SCRIB: variants seen among roughly 807,000 people sequenced by gnomAD.
SCRIB encodes the protein scribble planar cell polarity protein, also known as protein scribble homolog.
Under a neutral mutation model 170.0 loss-of-function variants are expected in SCRIB, and 72 were observed. The ratio of observed to expected loss-of-function variants is 0.42; its 90% CI spans 0.35 to 0.52. The LOEUF (loss-of-function observed/expected upper bound fraction) is 0.52. Among genes scored for constraint, SCRIB ranks in the 20% least tolerant of loss-of-function variants. The pLI is 0.02. For synonymous variants in SCRIB, 1,298 were observed against 1,044.3 expected (o/e 1.24, Z -4.68); for missense variants, 2,475 against 2,338.5 (o/e 1.06, Z -1.20).
In SCRIB at chr8:143,814,127, A is replaced by G; in HGVS notation, c.160-9T>C. The G allele has an allele frequency of 2.6e-6, 4 of 1,550,932 alleles. No homozygotes were observed. The highest frequency in any genetic ancestry group is 3.5e-6 in the Non-Finnish European group (4 of 1,146,482). On this transcript the variant is annotated splice_polypyrimidine_tract_variant and intron_variant, in intron 1 of 36. Transcript: ENST00000356994. Reference sequence around the variant, plus strand: ...AGCAGCCGGAAAAAAGGCTGTGGGCAGGGAGGACACGGACTCTGTGGCAGA... The same window carrying G: ...AGCAGCCGGAAAAAAGGCTGTGGGCGGGGAGGACACGGACTCTGTGGCAGA...
intron 1 of SCRIB, among the ~76,000 whole-genome samples, chr8:143,814,667 G>C (rs990838909): frequency 6.6e-6 from 1 of 152,166 alleles, no homozygotes; most frequent in South Asian, 2.1e-4. Flanking sequence ...TGATCACCCA[G>C]CACCCCATCT....
chr8:143,809,866 CCT>C (rs1466029295), intron 13 of SCRIB, 148 bp from the exon 14 acceptor site: 1 of 876,826 alleles, frequency 1.1e-6, no homozygotes, highest in East Asian at 2.7e-5. Flanking sequence ...GCAGCTGCTC[CCT>C]GTCCCAGCCT....
intron 16 of SCRIB, 32 bp downstream of exon 16, chr8:143,807,516 GCGGC>G: frequency 6.4e-7 from 1 of 1,565,992 alleles, no homozygotes; most frequent in Non-Finnish European, 8.8e-7. Flanking sequence ...AAGGCCAGCA[GCGGC>G]CCGGCCAGAG....
At chr8:143,795,657 C>A in intron 24 of SCRIB, 127 bp from the exon 25 acceptor site, 1 of 810,934 alleles carries the variant, frequency 1.2e-6, no homozygotes, top group Non-Finnish European at 2.0e-6. Context: ...CTGGGCAGGG[C>A]TGACCGCGTG....
chr8:143,794,307 G>A (rs1253635403), intron 27 of SCRIB: 8 of 322,440 alleles, frequency 2.5e-5, no homozygotes, highest in African/African-American at 1.7e-4. Context: ...CCCTACTTGT[G>A]GTGTGCAGCC....
chr8:143,794,514 A>C (rs1814855440), intron 27 of SCRIB, among the ~76,000 whole-genome samples: 1 of 152,088 alleles, frequency 6.6e-6, no homozygotes, highest in African/African-American at 2.4e-5. Flanking sequence ...CCGCTTGGGC[A>C]AGGGCCTGCA....
rs947922396 is a variant in SCRIB at position 143,809,631 on chromosome 8, A to G, written c.1618T>C (p.Ser540Pro). ...TGGCTCCCACCCTGTGCCTCAGCCG[A>G]CGGGCCCTCGGGCTCAGCCTCAGAG... ...TVSEAEPEGP[S>P]AEAQGGSQQE... The change falls in exon 14 of 37, where the codon TCG (serine) becomes CCG (proline). Residue 540 changes from serine to proline, a missense_variant. Transcript: ENST00000356994. 2 of 1,611,146 alleles carry G rather than the reference A, an allele frequency of 1.2e-6. No homozygotes were observed. Among genetic ancestry groups the G allele is most frequent in the Non-Finnish European group, 1.7e-6 (2 of 1,179,920 alleles).
chr8:143,803,561 G>A lies in SCRIB; in HGVS notation c.3425C>T (p.Thr1142Met), dbSNP rs781930751. The A allele has an allele frequency of 7.3e-5, 117 of 1,602,392 alleles. No homozygotes were observed. Among genetic ancestry groups the A allele is most frequent in the Middle Eastern group, 1.7e-4 (1 of 5,834 alleles). The change falls in exon 24 of 37, where the codon ACG becomes ATG. Residue 1142 changes from threonine (T) to methionine (M), a missense_variant. Thr to Met is a moderately conservative substitution (Grantham distance 81, BLOSUM62 -1). Coordinates refer to ENST00000356994, the MANE Select transcript of SCRIB (RefSeq NM_182706.5). ...EGIFISKVSP[T>M]GAAGRDGRLR... is the part of the protein sequence containing the mutation. Reference sequence around the variant, plus strand: ...CCGACCGTCGCGCCCGGCTGCCCCCGTGGGGCTCACCTGTGGGGAGACGTG... The same window carrying A: ...CCGACCGTCGCGCCCGGCTGCCCCCATGGGGCTCACCTGTGGGGAGACGTG...
intron 24 of SCRIB, among the ~76,000 whole-genome samples, chr8:143,799,883 G>C (rs1815103090): frequency 6.6e-6 from 1 of 152,064 alleles, no homozygotes; most frequent in Non-Finnish European, 1.5e-5. Context: ...GGCAGCTCCT[G>C]AGCCAATGCC....
Position 143,791,043 on chromosome 8 carries a change from G to A in SCRIB, c.*120C>T, listed in dbSNP as rs1820055620. ...GGGGTGGGGCAGTTAGTTAGTCACA[G>A]GCCAGAACTCCTGTGGGGTCTCTTT... is the stretch of plus-strand genomic sequence containing the variant. On this transcript the variant is annotated 3_prime_UTR_variant, in exon 37 of 37. Coordinates refer to ENST00000356994, the MANE Select transcript of SCRIB (RefSeq NM_182706.5). 9 of 1,123,770 alleles carry A rather than the reference G, an allele frequency of 8.0e-6. No homozygotes were observed. The highest frequency in any genetic ancestry group is 9.2e-6 in the Non-Finnish European group (8 of 871,542). The allele number at this position is 1,123,770 out of a possible 1,614,324, so 69.6% of individuals were successfully genotyped here.
At chr8:143,793,308 C>G (rs1377194745) in intron 28 of SCRIB, 1 of 439,274 alleles carries the variant, frequency 2.3e-6, no homozygotes, top group Admixed American at 4.1e-5. Context: ...TTGGCCAGGC[C>G]TGAGCCAATG....
Position 143,803,462 on chromosome 8 carries a change from T to C in SCRIB, c.3524A>G (p.Gln1175Arg). ...LLGLTHGEAVQLLRSVGDTLT... is the reference protein window; with the variant it reads ...LLGLTHGEAVRLLRSVGDTLT... ...GGTGTCGCCCACACTGCGGAGCAGCTGCACCGCCTCGCCGTGCGTCAGGCC... is the reference window on the plus strand; with the variant it reads ...GGTGTCGCCCACACTGCGGAGCAGCCGCACCGCCTCGCCGTGCGTCAGGCC... The change falls in exon 24 of 37, where the codon CAG becomes CGG. Residue 1175 changes from glutamine (Q) to arginine (R), a missense_variant. By Grantham distance (43) the Gln-to-Arg change is conservative (BLOSUM62 1). Around this residue, in one of 3 missense-constraint regions of SCRIB, gnomAD observed 1,966 missense variants for 1,742.9 expected, o/e 1.13. Transcript: ENST00000356994. 1 of 1,598,658 alleles carries C rather than the reference T, an allele frequency of 6.3e-7. No homozygotes were observed. Among genetic ancestry groups the C allele is most frequent in the Non-Finnish European group, 8.5e-7 (1 of 1,178,622 alleles).
rs1337358432 is a variant in SCRIB at position 143,813,513 on chromosome 8, C to A, written c.460G>T (p.Val154Leu). Residue 154 changes from valine to leucine, a missense_variant, in exon 5 of 37, where the codon GTG becomes TTG. This residue lies in a region of SCRIB where 487 missense variants were observed against 558.1 expected (regional missense o/e 0.87). Transcript: ENST00000356994. The stretch of plus-strand genomic sequence containing the variant: ...AGGTTCTCCCGGAGCTCCAGGGTCA[C>A]CAGGTTGGCGAGGCTGAAAGAGAGA... Reference protein sequence around the residue: ...PGDVGNLANLVTLELRENLLK... With the variant: ...PGDVGNLANLLTLELRENLLK... 3 of 1,613,224 alleles carry A rather than the reference C, an allele frequency of 1.9e-6. No individual in the cohort carries two copies. In the South Asian group the frequency reaches 3.3e-5, roughly 18 times the overall value.
intron 16 of SCRIB, 152 bp downstream of exon 16, chr8:143,807,400 A>C (rs554841977): frequency 1.9e-4 from 145 of 744,810 alleles, no homozygotes; most frequent in Non-Finnish European, 3.3e-4. Context: ...CCCAGGCAGG[A>C]GGTGTCCTGA....
Position 143,806,984 on chromosome 8 carries a change from C to T in SCRIB, c.2208G>A (p.Gly736=), listed in dbSNP as rs1554636754. 3.1e-6 allele frequency: 5 copies of T among 1,613,322 alleles called. No homozygotes were observed. The South Asian group carries it at 4.4e-5, about 14-fold the overall frequency. Residue 736 remains glycine (G), a synonymous_variant, in exon 17 of 37, where the codon GGG becomes GGA. Coordinates refer to ENST00000356994, the MANE Select transcript of SCRIB (RefSeq NM_182706.5). Reference sequence around the variant, plus strand: ...CGCCCGCAATGCTGATGCCCAGGCCCCCAGTCTGCCGCAGGATAGTGAGGG... The same window carrying T: ...CGCCCGCAATGCTGATGCCCAGGCCTCCAGTCTGCCGCAGGATAGTGAGGG... ...ELTLTILRQT[G]GLGISIAGGK...
intron 14 of SCRIB, among the ~76,000 whole-genome samples, 178 bp downstream of exon 14, chr8:143,809,373 C>T (rs1048791942): frequency 5.9e-5 from 9 of 152,098 alleles, no homozygotes; most frequent in Non-Finnish European, 1.3e-4. Context: ...CTCTCCAGGG[C>T]ACCCCCAGCA....
Position 143,792,270 on chromosome 8 carries a change from G to C in SCRIB, c.4464C>G (p.Ala1488=). 1 of 1,571,322 alleles carries C rather than the reference G, an allele frequency of 6.4e-7. No homozygotes were observed. The highest frequency in any genetic ancestry group is 8.6e-7 in the Non-Finnish European group (1 of 1,165,946). Residue 1488 remains alanine, a synonymous_variant, in exon 32 of 37, where the codon GCC becomes GCG. Transcript: ENST00000356994. ...TCTCGGCCTCCAGGGCCCGGAGCTC[G>C]GCAGGGGACAGGGCACGCTCGGGTG... The part of the protein sequence containing the change: ...PPAPERALSP[A]ELRALEAEKR...
intron 24 of SCRIB, among the ~76,000 whole-genome samples, chr8:143,795,880 G>A (rs994150856): frequency 2.0e-5 from 3 of 152,178 alleles, no homozygotes; most frequent in African/African-American, 4.8e-5. Context: ...GGGAAGGAGG[G>A]GCGTGAGTAG....
chr8:143,812,037 C>T (rs529886424), intron 9 of SCRIB, among the ~76,000 whole-genome samples: 5 of 152,192 alleles, frequency 3.3e-5, no homozygotes, highest in East Asian at 1.9e-4. Flanking sequence ...GCGATAAACA[C>T]GAGACCTAGA....
Sources: allele counts gnomAD v4.1 joint callset (sites outside exome capture counted in the v4.1 genomes callset), GRCh38; gene constraint gnomAD v4.1.1; regional missense constraint gnomAD v4.1.1; transcripts MANE v1.5; gene names NCBI Gene and HGNC (gene_info 2026-07-23, HGNC 2026-07-21).